Variants in CNOT6 observed in about 807,000 individuals in gnomAD.
The protein encoded by CNOT6 is CCR4-NOT transcription complex subunit 6.
CNOT6 carries 12 observed loss-of-function variants against 61.2 expected under a neutral mutation model. That is an observed-to-expected ratio of 0.20 (90% CI 0.13 to 0.32). The LOEUF is 0.32. Among genes scored for constraint, CNOT6 ranks in the 10% least tolerant of loss-of-function variants. The pLI, the probability that CNOT6 is intolerant of heterozygous loss-of-function variation, is 1.00. For missense variants in CNOT6, 405 were observed against 663.9 expected, an observed-to-expected ratio of 0.61 and a Z score of 4.28; for synonymous variants, 225 against 240.6, an observed-to-expected ratio of 0.94 and a Z score of 0.60.
At chr5:180,518,881 A>T (rs1007187759) in intron 1 of CNOT6, among the ~76,000 whole-genome samples, 2 of 152,110 alleles carry the variant, frequency 1.3e-5, no homozygotes, top group African/African-American at 2.4e-5. Flanking sequence ...TTAGTTGTTT[A>T]AAACATTTTC....
At chr5:180,549,490 A>G (rs758424795) in intron 2 of CNOT6, among the ~76,000 whole-genome samples, 3 of 152,104 alleles carry the variant, frequency 2.0e-5, no homozygotes, top group Non-Finnish European at 4.4e-5. Context: ...TCTACTAAAA[A>G]TAGAGAAAAA....
intron 9 of CNOT6, among the ~76,000 whole-genome samples, chr5:180,568,397 C>G (rs6872162): frequency 0.028 from 4,170 of 151,450 alleles, 194 homozygotes; most frequent in African/African-American, 0.095. Context: ...TTAAAATAAT[C>G]ATTTTATTAG....
chr5:180,539,962 G>A (rs1302981808), intron 2 of CNOT6, among the ~76,000 whole-genome samples: 1 of 152,118 alleles, frequency 6.6e-6, no homozygotes, highest in East Asian at 1.9e-4. Context: ...TAATGTCTGT[G>A]CTCCCTTTTC....
At chr5:180,525,723 T>C (rs2127717558) in intron 1 of CNOT6, among the ~76,000 whole-genome samples, 1 of 152,184 alleles carries the variant, frequency 6.6e-6, no homozygotes, top group African/African-American at 2.4e-5. Context: ...TGGAGATAAT[T>C]GCAACTCTGC....
intron 1 of CNOT6, among the ~76,000 whole-genome samples, chr5:180,502,428 A>G (rs752467810): frequency 2.6e-5 from 4 of 152,196 alleles, no homozygotes; most frequent in Non-Finnish European, 5.9e-5. Context: ...TAATATTACA[A>G]TTTTCAGCCT....
At chr5:180,510,461 A>G (rs1156421625) in intron 1 of CNOT6, among the ~76,000 whole-genome samples, 1 of 152,198 alleles carries the variant, frequency 6.6e-6, no homozygotes, top group Admixed American at 6.5e-5. Flanking sequence ...GCTTGTGACT[A>G]TCGTCTAATG....
intron 4 of CNOT6, among the ~76,000 whole-genome samples, chr5:180,558,646 G>T (rs182545156): frequency 1.3e-4 from 20 of 149,524 alleles, no homozygotes; most frequent in African/African-American, 4.9e-4. Context: ...AGCTTCTTGA[G>T]GCGATAGCTT....
chr5:180,544,676 T>C (rs1220501703), intron 2 of CNOT6, among the ~76,000 whole-genome samples: 1 of 152,194 alleles, frequency 6.6e-6, no homozygotes, highest in African/African-American at 2.4e-5. Flanking sequence ...CTATACAAAT[T>C]GGCAGGCTTT....
rs578116457 is a variant in CNOT6, at chr5:180,568,571, T to TATAA, written c.1028-527_1028-524dup. Among the ~76,000 whole-genome samples, 101 of 151,084 alleles carry TATAA rather than the reference T, an allele frequency of 6.7e-4. 1 individual carries two copies. The highest frequency in any genetic ancestry group is 2.4e-3 in the African/African-American group (98 of 41,348). On this transcript the variant is annotated intron_variant, in intron 9 of 11. Transcript: ENST00000261951. ...CTCAAAAAATAAATAAATAAATAAA[T>TATAA]ATAAATAAATAAATACATAAAATAA...
At chr5:180,528,453 G>A (rs1758199639) in intron 1 of CNOT6, among the ~76,000 whole-genome samples, 1 of 152,078 alleles carries the variant, frequency 6.6e-6, no homozygotes, top group Admixed American at 6.5e-5. Flanking sequence ...TGGGACTACA[G>A]GCGCCTGCCA....
intron 1 of CNOT6, among the ~76,000 whole-genome samples, chr5:180,509,697 G>C (rs1384118507): frequency 6.6e-6 from 1 of 151,554 alleles, no homozygotes; most frequent in African/African-American, 2.4e-5. Context: ...TTACAGGCGT[G>C]AGCCACCACA....
At chr5:180,527,020 T>C (rs1758132284) in intron 1 of CNOT6, among the ~76,000 whole-genome samples, 1 of 151,986 alleles carries the variant, frequency 6.6e-6, no homozygotes, top group African/African-American at 2.4e-5. Context: ...GCTGGGACTA[T>C]GGGTGTATAC....
rs1008934668 is a variant in CNOT6, at chr5:180,565,710, G to A, written c.560-110G>A. The A allele has an allele frequency of 7.8e-6, 8 of 1,030,692 alleles. No homozygotes were observed. In the African/African-American group the frequency reaches 1.3e-4, roughly 17 times the overall value. The allele number at this position is 1,030,692 out of a possible 1,614,324, so 63.8% of individuals were successfully genotyped here. On this transcript the variant is annotated intron_variant, in intron 6 of 11. Transcript: ENST00000261951. ...GTACAGTAGCTTTTCAGTGACTATA[G>A]ATTGAATGAATACGGTCAAACTTAA...
Position 180,569,123 on chromosome 5 carries a change from T to C in CNOT6, c.1041T>C (p.His347=). The change falls in exon 10 of 12, where the codon CAT becomes CAC. Residue 347 remains histidine, a synonymous_variant. Transcript: ENST00000261951. The part of the protein sequence containing the change: ...ESIEMPSGKP[H]LGTEKQLILV... ...TATCTAATGTAGCCGGAAAGCCACA[T>C]CTTGGAACAGAAAAACAACTTATTC... 3.1e-6 allele frequency: 5 copies of C among 1,613,646 alleles called. No homozygotes were observed. The East Asian group carries it at 8.9e-5, about 29-fold the overall frequency.
At chr5:180,568,711 T>C (rs1313122299) in intron 9 of CNOT6, among the ~76,000 whole-genome samples, 8 of 152,134 alleles carry the variant, frequency 5.3e-5, no homozygotes, top group Admixed American at 5.2e-4. Context: ...CAGTTGGAAC[T>C]GGAGAAATTT....
intron 1 of CNOT6, among the ~76,000 whole-genome samples, chr5:180,510,419 A>G (rs1368632602): frequency 6.6e-6 from 1 of 152,136 alleles, no homozygotes; most frequent in Non-Finnish European, 1.5e-5. Context: ...TGAGAGTAGA[A>G]GTGCCTTAAC....
chr5:180,533,334 A>C (rs935616242), intron 2 of CNOT6, among the ~76,000 whole-genome samples: 3 of 100,110 alleles, frequency 3.0e-5, no homozygotes, highest in African/African-American at 1.0e-4. Flanking sequence ...ATATATATAT[A>C]TATATATATC....
chr5:180,570,655 C>A lies in CNOT6; in HGVS notation c.1259-575C>A, dbSNP rs781535327. Among the ~76,000 whole-genome samples the A allele has an allele frequency of 2.6e-5, 4 of 152,152 alleles. No homozygotes were observed. The East Asian group carries it at 7.7e-4, about 29-fold the overall frequency. On this transcript the variant is annotated intron_variant, in intron 10 of 11. Transcript: ENST00000261951. ...AATAGCAGGCAGGTCAGAAAATGTC[C>A]AGCCTTGCTAATTTGTGAATAAAAT...
At chr5:180,513,897 G>T (rs1394283327) in intron 1 of CNOT6, among the ~76,000 whole-genome samples, 4 of 149,822 alleles carry the variant, frequency 2.7e-5, no homozygotes, top group Non-Finnish European at 4.4e-5. Context: ...TAGAGACGGG[G>T]TTTCACCGTG....
Sources: gnomAD v4.1 joint callset for allele counts (sites outside exome capture counted in the v4.1 genomes callset) on GRCh38, gnomAD v4.1.1 for gene constraint, MANE v1.5 for transcripts, NCBI Gene and HGNC (gene_info 2026-07-23, HGNC 2026-07-21) for gene names.